SGCD: variants seen among roughly 807,000 people sequenced by gnomAD.
SGCD encodes the protein delta-sarcoglycan.
In SGCD, 18 loss-of-function variants were observed where a neutral mutation model predicts 36.6. That is an observed-to-expected ratio of 0.49 (90% CI 0.34 to 0.73). The LOEUF (loss-of-function observed/expected upper bound fraction) is 0.73, where lower values mean the gene tolerates loss of function less well. SGCD is among the 30% of genes least tolerant of loss of function. The pLI, the probability that SGCD is intolerant of heterozygous loss-of-function variation, is 0.01. For missense variants in SGCD, 387 were observed against 346.7 expected (o/e 1.12, Z -0.92); for synonymous variants, 133 against 130.6 (o/e 1.02, Z -0.12).
At chr5:156,112,138 T>C in intron 1 of SGCD, among the ~76,000 whole-genome samples, 1 of 152,180 alleles carries the variant, frequency 6.6e-6, no homozygotes, top group East Asian at 1.9e-4. Context: ...AACCATTTTC[T>C]CCTCTTAGAA....
At chr5:155,950,962 C>T (rs1757536708) in intron 1 of SGCD, among the ~76,000 whole-genome samples, 2 of 152,068 alleles carry the variant, frequency 1.3e-5, no homozygotes, top group South Asian at 4.1e-4. Context: ...AGCTGGGAGG[C>T]TCCTTTAATG....
intron 1 of SGCD, among the ~76,000 whole-genome samples, chr5:155,880,038 A>T (rs1195796038): frequency 6.6e-6 from 1 of 152,210 alleles, no homozygotes; most frequent in Non-Finnish European, 1.5e-5. Flanking sequence ...ACTAAATAGC[A>T]GGCCTGCAAG....
intron 1 of SGCD, among the ~76,000 whole-genome samples, chr5:155,956,339 C>T (rs1470530728): frequency 6.6e-6 from 1 of 151,898 alleles, no homozygotes; most frequent in Non-Finnish European, 1.5e-5. Context: ...CATTTGTGAC[C>T]AATGGAACAC....
At chr5:156,005,994 C>G (rs959543906) in intron 1 of SGCD, among the ~76,000 whole-genome samples, 4 of 151,704 alleles carry the variant, frequency 2.6e-5, no homozygotes, top group African/African-American at 9.7e-5. Context: ...CATAATCTCT[C>G]AGATCTACAT....
intron 2 of SGCD, among the ~76,000 whole-genome samples, chr5:156,339,670 T>C (rs953349130): frequency 2.0e-5 from 3 of 152,188 alleles, no homozygotes; most frequent in South Asian, 2.1e-4. Context: ...TATTCTATTG[T>C]GCAATAGCAT....
At chr5:156,668,424 T>C (rs564547614) in intron 7 of SGCD, among the ~76,000 whole-genome samples, 11 of 152,340 alleles carry the variant, frequency 7.2e-5, no homozygotes, top group Non-Finnish European at 7.3e-5. Flanking sequence ...TTCTCCAGGA[T>C]GCCTTTTCGT....
chr5:156,242,123 G>C (rs1765321503), intron 3 of SGCD, among the ~76,000 whole-genome samples: 1 of 152,108 alleles, frequency 6.6e-6, no homozygotes, highest in Non-Finnish European at 1.5e-5. Flanking sequence ...TCCTTCAGTG[G>C]GGCAATGGTT....
rs113603386 is a variant in SGCD at position 156,702,314 on chromosome 5, C to T, written c.575+54778C>T. ...TTCTACTCCTAAACATGGAGGCCTACATTTCTAGTCTTCCTTAACAAGTCC... is the reference window on the plus strand; with the variant it reads ...TTCTACTCCTAAACATGGAGGCCTATATTTCTAGTCTTCCTTAACAAGTCC... On this transcript the variant is annotated intron_variant, in intron 7 of 8. Coordinates refer to ENST00000337851, the MANE Select transcript of SGCD (RefSeq NM_000337.6). Among the ~76,000 whole-genome samples, 858 of 152,218 alleles carry T rather than the reference C, an allele frequency of 5.6e-3. 14 individuals are homozygous for T. Among genetic ancestry groups the T allele is most frequent in the African/African-American group, 0.019 (809 of 41,548 alleles).
chr5:156,108,052 A>G (rs1370456832), intron 1 of SGCD, among the ~76,000 whole-genome samples: 3 of 152,124 alleles, frequency 2.0e-5, no homozygotes, highest in African/African-American at 7.2e-5. Context: ...GGAATGAAGT[A>G]CATTGTCTAA....
intron 6 of SGCD, among the ~76,000 whole-genome samples, chr5:156,620,005 T>C (rs62380868): frequency 0.017 from 2,521 of 152,306 alleles, 38 homozygotes; most frequent in Middle Eastern, 0.082. Flanking sequence ...TCCAGTCTTC[T>C]TCAAAGTACA....
chr5:156,037,747 C>T (rs146152807), intron 1 of SGCD, among the ~76,000 whole-genome samples: 1 of 152,120 alleles, frequency 6.6e-6, no homozygotes, highest in Non-Finnish European at 1.5e-5. Context: ...AGGTCTTGCA[C>T]GTGTTAATTC....
rs550261738 is a variant in SGCD at position 156,718,566 on chromosome 5, G to T, written c.576-39015G>T. ...AGGCCGAGGTGGGTGGATCACTGGA[G>T]CCCAGGAGTTTGAGACCAGCCTGGG... On this transcript the variant is annotated intron_variant, in intron 7 of 8. Transcript: ENST00000337851. Among the ~76,000 whole-genome samples, 263 of 152,104 alleles carry T rather than the reference G, an allele frequency of 1.7e-3. 2 individuals carry two copies. The highest frequency in any genetic ancestry group is 0.014 in the Middle Eastern group (4 of 294).
chr5:156,251,773 C>G (rs547800712), intron 3 of SGCD, among the ~76,000 whole-genome samples: 1 of 152,274 alleles, frequency 6.6e-6, no homozygotes, highest in South Asian at 2.1e-4. Context: ...CTCGCCCTCC[C>G]AACGTGCTGG....
chr5:156,209,989 C>T (rs1764395232), intron 3 of SGCD, among the ~76,000 whole-genome samples: 1 of 152,170 alleles, frequency 6.6e-6, no homozygotes, highest in Non-Finnish European at 1.5e-5. Context: ...AGGCTCAAGG[C>T]CACCTCCAGT....
chr5:155,764,835 G>A, the SGCD span, among the ~76,000 whole-genome samples: 2 of 152,100 alleles, frequency 1.3e-5, no homozygotes, highest in South Asian at 2.1e-4. Context: ...AGATCTGGGG[G>A]GAGGCAGAGG....
At chr5:156,112,787 G>T (rs1761818520) in intron 1 of SGCD, among the ~76,000 whole-genome samples, 1 of 152,162 alleles carries the variant, frequency 6.6e-6, no homozygotes, top group Non-Finnish European at 1.5e-5. Flanking sequence ...GCCTTGATAT[G>T]AGATGACAGC....
At chr5:155,831,656 C>A in the SGCD span, among the ~76,000 whole-genome samples, 1 of 152,206 alleles carries the variant, frequency 6.6e-6, no homozygotes, top group Non-Finnish European at 1.5e-5. Flanking sequence ...TGCCAGGCAT[C>A]CCCCGTCACA....
At chr5:155,999,546 G>A (rs1262805817) in intron 1 of SGCD, among the ~76,000 whole-genome samples, 1 of 152,158 alleles carries the variant, frequency 6.6e-6, no homozygotes, top group East Asian at 1.9e-4. Flanking sequence ...CCTGAGTGAG[G>A]ATATAATGAT....
intron 8 of SGCD, chr5:156,758,132 C>A: frequency 2.3e-6 from 1 of 439,558 alleles, no homozygotes; most frequent in Non-Finnish European, 3.0e-6. Flanking sequence ...GATTGAACAG[C>A]TGTCCCAACC....
Sources: gnomAD v4.1 joint callset for allele counts (sites outside exome capture counted in the v4.1 genomes callset) on GRCh38, gnomAD v4.1.1 for gene constraint, MANE v1.5 for transcripts, NCBI Gene and HGNC (gene_info 2026-07-23, HGNC 2026-07-21) for gene names.